Variants in MAGI2 observed in about 807,000 individuals in gnomAD.
The protein encoded by MAGI2 is membrane-associated guanylate kinase, WW and PDZ domain-containing protein 2.
MAGI2 carries 35 observed loss-of-function variants against 133.3 expected under a neutral mutation model. The ratio of observed to expected loss-of-function variants is 0.26; its 90% CI spans 0.20 to 0.35. MAGI2 has a LOEUF of 0.35. MAGI2 is among the 10% of genes least tolerant of loss of function. The probability of loss-of-function intolerance (pLI) is 1.00; values close to 1 mark genes in which losing one functional copy is unlikely to be tolerated. For synonymous variants in MAGI2, 729 were observed against 710.6 expected (o/e 1.03, Z -0.41); for missense variants, 1,636 against 1,863.4 (o/e 0.88, Z 2.25).
chr7:78,417,055 A>T (rs1468434657), intron 6 of MAGI2, among the ~76,000 whole-genome samples: 2 of 152,114 alleles, frequency 1.3e-5, no homozygotes, highest in Admixed American at 1.3e-4. Context: ...CTTGCAAATA[A>T]AGGATAAAAT....
intron 16 of MAGI2, among the ~76,000 whole-genome samples, chr7:78,158,589 C>T (rs1824633077): frequency 6.6e-6 from 1 of 152,164 alleles, no homozygotes; most frequent in Admixed American, 6.5e-5. Context: ...AGAAATCAGA[C>T]CTAACCGACT....
intron 1 of MAGI2, among the ~76,000 whole-genome samples, chr7:79,258,611 A>C (rs2129556223): frequency 1.3e-5 from 2 of 152,290 alleles, no homozygotes; most frequent in South Asian, 4.1e-4. Context: ...GTGGCTCTAA[A>C]AAGTAACTAC....
chr7:79,368,790 G>C (rs556673948), intron 1 of MAGI2, among the ~76,000 whole-genome samples: 2 of 143,558 alleles, frequency 1.4e-5, no homozygotes, highest in East Asian at 4.4e-4. Flanking sequence ...GGAGCTTGCA[G>C]TGAGCCGAGA....
intron 1 of MAGI2, among the ~76,000 whole-genome samples, chr7:79,185,056 C>G (rs1039226188): frequency 9.2e-5 from 14 of 151,772 alleles, no homozygotes; most frequent in Admixed American, 2.0e-4. Flanking sequence ...CAGCTGGGTT[C>G]CTAAGCCTAC....
chr7:78,856,450 A>C lies in MAGI2; in HGVS notation c.418+150640T>G, dbSNP rs558201820. On this transcript the variant is annotated intron_variant, in intron 2 of 21. Transcript: ENST00000354212. Reference sequence around the variant, plus strand: ...TGTATAAGGTGTAAGGAAAGGATGCAGTTTCAGCTTTCTACATATAGCTAG... The same window carrying C: ...TGTATAAGGTGTAAGGAAAGGATGCCGTTTCAGCTTTCTACATATAGCTAG... 2.1e-3 allele frequency among the ~76,000 whole-genome samples: 324 copies of C among 152,358 alleles called. 3 individuals carry two copies. Among genetic ancestry groups the C allele is most frequent in the African/African-American group, 7.5e-3 (311 of 41,584 alleles).
intron 1 of MAGI2, among the ~76,000 whole-genome samples, chr7:79,186,651 T>TAA (rs920351271): frequency 4.1e-4 from 56 of 136,794 alleles, no homozygotes; most frequent in Middle Eastern, 3.6e-3. Flanking sequence ...TGCATATATA[T>TAA]AATATAAACA....
intron 1 of MAGI2, among the ~76,000 whole-genome samples, chr7:79,146,115 C>A (rs1822592376): frequency 6.6e-6 from 1 of 151,924 alleles, no homozygotes; most frequent in Non-Finnish European, 1.5e-5. Context: ...CTCTACAATC[C>A]AAAATGTGTG....
intron 1 of MAGI2, among the ~76,000 whole-genome samples, chr7:79,340,742 G>T (rs1840830058): frequency 6.6e-6 from 1 of 152,094 alleles, no homozygotes; most frequent in African/African-American, 2.4e-5. Context: ...GCAGAATGGG[G>T]TGTGTATGTG....
At position 78,662,221 on chromosome 7, in the gene MAGI2, A is replaced by T. The variant is rs139446201; in HGVS notation, c.419-34982T>A. On this transcript the variant is annotated intron_variant, in intron 2 of 21. Coordinates refer to ENST00000354212, the MANE Select transcript of MAGI2 (RefSeq NM_012301.4). The stretch of plus-strand genomic sequence containing the variant: ...TTTATAAATGAAATTCATGGTGTGC[A>T]TAGACACATGGTGACAGGGCAAGAT... Among the ~76,000 whole-genome samples, 1,159 of 152,332 alleles carry T rather than the reference A, an allele frequency of 7.6e-3. 59 individuals carry two copies. The highest frequency in any genetic ancestry group is 0.067 in the Admixed American group (1,027 of 15,290).
At chr7:78,262,652 T>C (rs1346988657) in intron 9 of MAGI2, among the ~76,000 whole-genome samples, 1 of 152,018 alleles carries the variant, frequency 6.6e-6, no homozygotes, top group Non-Finnish European at 1.5e-5. Flanking sequence ...ATTCCTCACT[T>C]ATTCATTAAT....
intron 7 of MAGI2, among the ~76,000 whole-genome samples, chr7:78,357,183 C>A (rs1461389456): frequency 2.0e-5 from 3 of 152,146 alleles, no homozygotes; most frequent in Non-Finnish European, 4.4e-5. Context: ...TCCTGGGCTG[C>A]AACAATATTT....
At chr7:78,384,509 G>A (rs1480610133) in intron 6 of MAGI2, among the ~76,000 whole-genome samples, 1 of 152,058 alleles carries the variant, frequency 6.6e-6, no homozygotes, top group Non-Finnish European at 1.5e-5. Flanking sequence ...CATGTCATAG[G>A]CATAATTCAT....
At chr7:78,495,627 A>C (rs1249331067) in intron 5 of MAGI2, among the ~76,000 whole-genome samples, 1 of 152,196 alleles carries the variant, frequency 6.6e-6, no homozygotes, top group East Asian at 1.9e-4. Flanking sequence ...CTATCTATAC[A>C]TAGGTAATAC....
intron 6 of MAGI2, among the ~76,000 whole-genome samples, chr7:78,461,346 C>T (rs544364889): frequency 5.3e-5 from 8 of 150,220 alleles, no homozygotes; most frequent in African/African-American, 2.0e-4. Context: ...AGTAAGAAAA[C>T]ATTAAAAATA....
chr7:78,084,406 C>T (rs1816389690), intron 20 of MAGI2, among the ~76,000 whole-genome samples: 1 of 152,180 alleles, frequency 6.6e-6, no homozygotes. Flanking sequence ...GAAGTAGGCC[C>T]TCGGTTAATC....
chr7:78,559,030 T>C (rs1800117964), intron 3 of MAGI2, among the ~76,000 whole-genome samples: 2 of 150,690 alleles, frequency 1.3e-5, no homozygotes, highest in Admixed American at 1.3e-4. Flanking sequence ...CAGTGTTCTC[T>C]GGTAATAGAG....
At chr7:79,416,909 A>G (rs1260447571) in intron 1 of MAGI2, among the ~76,000 whole-genome samples, 2 of 150,578 alleles carry the variant, frequency 1.3e-5, no homozygotes, top group African/African-American at 4.9e-5. Context: ...AAATTTTTGT[A>G]TTTTAGTAGA....
intron 2 of MAGI2, among the ~76,000 whole-genome samples, chr7:78,949,599 C>T (rs1584478729): frequency 6.6e-6 from 1 of 152,048 alleles, no homozygotes; most frequent in African/African-American, 2.4e-5. Flanking sequence ...CTATATTTAC[C>T]TAGTTTCTGT....
intron 1 of MAGI2, among the ~76,000 whole-genome samples, chr7:79,304,427 T>TG (rs11435614): frequency 0.58 from 87,645 of 151,510 alleles, 27,049 homozygotes; most frequent in Non-Finnish European, 0.68. Flanking sequence ...TTAGATACTC[T>TG]GGTGATGGGA....
Sources: gnomAD v4.1 joint callset for allele counts (sites outside exome capture counted in the v4.1 genomes callset) on GRCh38, gnomAD v4.1.1 for gene constraint, MANE v1.5 for transcripts, NCBI Gene and HGNC (gene_info 2026-07-23, HGNC 2026-07-21) for gene names.